The following NTRK3 variants were observed in gnomAD, a reference collection of about 807,000 sequenced individuals.
The protein encoded by NTRK3 is NT-3 growth factor receptor.
Under a neutral mutation model 91.7 loss-of-function variants are expected in NTRK3, and 24 were observed. The observed-to-expected ratio is 0.26, with a 90% CI of 0.19 to 0.37. The LOEUF is 0.37. NTRK3 is among the 10% of genes least tolerant of loss of function. The pLI is 1.00. For missense variants in NTRK3, 880 were observed against 1,068.9 expected, an observed-to-expected ratio of 0.82 and a Z score of 2.46; for synonymous variants, 483 against 404.0, an observed-to-expected ratio of 1.20 and a Z score of -2.34.
At chr15:87,938,500 G>A (rs1596322504) in intron 15 of NTRK3, among the ~76,000 whole-genome samples, 1 of 152,118 alleles carries the variant, frequency 6.6e-6, no homozygotes, top group East Asian at 1.9e-4. Context: ...TGAGTGACAC[G>A]TGTAAAATCC....
chr15:88,081,695 G>A (rs2048056948), intron 13 of NTRK3, among the ~76,000 whole-genome samples: 1 of 152,154 alleles, frequency 6.6e-6, no homozygotes, highest in African/African-American at 2.4e-5. Context: ...GCGCAGAGAG[G>A]GGCAAAAGTG....
intron 14 of NTRK3, among the ~76,000 whole-genome samples, chr15:87,955,029 C>T (rs1287050495): frequency 6.6e-6 from 1 of 152,216 alleles, no homozygotes; most frequent in Non-Finnish European, 1.5e-5. Flanking sequence ...TCTTACTCAA[C>T]CTCTCTGACA....
At chr15:88,059,730 C>G in intron 13 of NTRK3, among the ~76,000 whole-genome samples, 1 of 151,988 alleles carries the variant, frequency 6.6e-6, no homozygotes, top group East Asian at 1.9e-4. Flanking sequence ...AAATTGTGAC[C>G]CCCCCTAAAA....
chr15:88,123,076 C>T (rs553381319), intron 13 of NTRK3, among the ~76,000 whole-genome samples: 4 of 152,204 alleles, frequency 2.6e-5, no homozygotes, highest in Non-Finnish European at 4.4e-5. Flanking sequence ...GGCATGATTG[C>T]GTCTTGGATG....
At chr15:87,895,802 T>TTTTA (rs996000267) in intron 17 of NTRK3, among the ~76,000 whole-genome samples, 32 of 151,396 alleles carry the variant, frequency 2.1e-4, no homozygotes, top group Non-Finnish European at 3.7e-4. Flanking sequence ...TTTTATTTTA[T>TTTTA]TTTATTTATT....
intron 13 of NTRK3, among the ~76,000 whole-genome samples, chr15:88,111,719 G>A (rs1357957266): frequency 1.3e-5 from 2 of 152,166 alleles, no homozygotes; most frequent in Admixed American, 6.5e-5. Context: ...CTCTAGCAGG[G>A]TCTGTGAATC....
intron 3 of NTRK3, among the ~76,000 whole-genome samples, chr15:88,186,138 A>G (rs2046924625): frequency 6.6e-6 from 1 of 152,176 alleles, no homozygotes; most frequent in South Asian, 2.1e-4. Flanking sequence ...GGTTTTGTAA[A>G]TTACCAAGTA....
chr15:87,896,032 T>C (rs2066102841), intron 17 of NTRK3, among the ~76,000 whole-genome samples: 1 of 152,124 alleles, frequency 6.6e-6, no homozygotes. Flanking sequence ...TTCCTAAATG[T>C]ATTTGATTGA....
intron 3 of NTRK3, among the ~76,000 whole-genome samples, chr15:88,195,781 G>C (rs2047766020): frequency 6.6e-6 from 1 of 152,220 alleles, no homozygotes; most frequent in South Asian, 2.1e-4. Context: ...GGGGTCTTGG[G>C]GGGAAAAGCC....
intron 5 of NTRK3, among the ~76,000 whole-genome samples, chr15:88,177,018 C>T (rs1383974882): frequency 6.6e-6 from 1 of 152,142 alleles, no homozygotes; most frequent in Non-Finnish European, 1.5e-5. Flanking sequence ...AGATCCAGGG[C>T]AGGGTATCTG....
At chr15:88,001,596 T>C (rs1309160501) in intron 14 of NTRK3, among the ~76,000 whole-genome samples, 1 of 152,194 alleles carries the variant, frequency 6.6e-6, no homozygotes, top group African/African-American at 2.4e-5. Flanking sequence ...TAAAAGACTA[T>C]TATATCCTTT....
At chr15:88,178,799 A>C (rs1198555374) in intron 5 of NTRK3, among the ~76,000 whole-genome samples, 4 of 152,266 alleles carry the variant, frequency 2.6e-5, no homozygotes, top group Non-Finnish European at 4.4e-5. Context: ...AAGAGGAACT[A>C]AACAGAGCTT....
At chr15:88,224,713 G>A (rs1465689893) in intron 3 of NTRK3, among the ~76,000 whole-genome samples, 2 of 152,202 alleles carry the variant, frequency 1.3e-5, no homozygotes, top group Non-Finnish European at 2.9e-5. Flanking sequence ...GCACTGCCCA[G>A]GTACCTACCA....
intron 14 of NTRK3, among the ~76,000 whole-genome samples, chr15:87,958,268 C>T (rs1353314855): frequency 6.8e-6 from 1 of 146,626 alleles, no homozygotes; most frequent in Non-Finnish European, 1.5e-5. Flanking sequence ...AAAGCGAGAA[C>T]TCTGATGATT....
At chr15:87,982,544 T>G (rs1363402355) in intron 14 of NTRK3, among the ~76,000 whole-genome samples, 2 of 152,202 alleles carry the variant, frequency 1.3e-5, no homozygotes, top group Non-Finnish European at 2.9e-5. Context: ...AGAACAGAGC[T>G]GGGTCTTCAG....
At chr15:88,013,287 C>T (rs1482413325) in intron 14 of NTRK3, among the ~76,000 whole-genome samples, 1 of 152,234 alleles carries the variant, frequency 6.6e-6, no homozygotes, top group African/African-American at 2.4e-5. Flanking sequence ...TCCTCTAGGT[C>T]AGAGCGTAAC....
At chr15:88,206,823 C>T (rs2048834569) in intron 3 of NTRK3, among the ~76,000 whole-genome samples, 1 of 152,208 alleles carries the variant, frequency 6.6e-6, no homozygotes, top group Non-Finnish European at 1.5e-5. Context: ...CAGCCACAGC[C>T]ATCTGTCTCT....
rs549902384 is a variant in NTRK3 at position 88,085,761 on chromosome 15, G to A, written c.1396+40510C>T. ...CCTAAGACCTGCGCTGGCCAGTCTT[G>A]CCCTATAAAACTGGGCTTGATGACA... On this transcript the variant is annotated intron_variant, in intron 13 of 18. Transcript: ENST00000394480. Among the ~76,000 whole-genome samples, 3 of 152,306 alleles carry A rather than the reference G, an allele frequency of 2.0e-5. No individual in the cohort carries two copies. The South Asian group carries it at 6.2e-4, about 32-fold the overall frequency.
chr15:88,034,632 T>C (rs189698414), intron 13 of NTRK3, among the ~76,000 whole-genome samples: 1 of 152,330 alleles, frequency 6.6e-6, no homozygotes, highest in African/African-American at 2.4e-5. Flanking sequence ...CCATTACATC[T>C]TACTGAAGTT....
Sources: gnomAD v4.1 joint callset for allele counts (sites outside exome capture counted in the v4.1 genomes callset) on GRCh38, gnomAD v4.1.1 for gene constraint, MANE v1.5 for transcripts, NCBI Gene and HGNC (gene_info 2026-07-23, HGNC 2026-07-21) for gene names.